DENND5B: variants seen among roughly 807,000 people sequenced by gnomAD.
DENND5B encodes the protein DENN domain-containing protein 5B.
In DENND5B, 34 loss-of-function variants were observed where a neutral mutation model predicts 140.6. The ratio of observed to expected loss-of-function variants is 0.24; its 90% CI spans 0.18 to 0.32. The LOEUF is 0.32. Among genes scored for constraint, DENND5B ranks in the 10% least tolerant of loss-of-function variants. DENND5B has a pLI of 1.00. For synonymous variants in DENND5B, 551 were observed against 562.1 expected (o/e 0.98, Z 0.28); for missense variants, 1,142 against 1,560.2 (o/e 0.73, Z 4.52).
In DENND5B at chr12:31,426,276, C is replaced by G; in HGVS notation, c.2238+17G>C. Reference sequence around the variant, plus strand: ...AACATGAATGCACACTGTCTGGCATCAGTGAATAATACATACCTTCATTCT... The same window carrying G: ...AACATGAATGCACACTGTCTGGCATGAGTGAATAATACATACCTTCATTCT... On this transcript the variant is annotated intron_variant, in intron 9 of 20. Transcript: ENST00000389082. 6.3e-7 allele frequency: 1 copy of G among 1,599,312 alleles called. No homozygotes were observed. Among genetic ancestry groups the G allele is most frequent in the Non-Finnish European group, 8.5e-7 (1 of 1,173,096 alleles).
chr12:31,394,353 A>T (rs558491360), intron 17 of DENND5B, among the ~76,000 whole-genome samples: 4 of 152,284 alleles, frequency 2.6e-5, no homozygotes, highest in African/African-American at 9.6e-5. Context: ...ATAGCATGAG[A>T]AAAGAAAGTA....
intron 2 of DENND5B, among the ~76,000 whole-genome samples, chr12:31,494,221 T>TGC (rs3034051): frequency 9.4e-6 from 1 of 106,496 alleles, no homozygotes; most frequent in Non-Finnish European, 2.0e-5. Flanking sequence ...CCTACCTACC[T>TGC]CTACCTACCT....
At chr12:31,419,977 A>AG (rs1239538709) in intron 11 of DENND5B, 1 of 757,972 alleles carries the variant, frequency 1.3e-6, no homozygotes, top group African/African-American at 2.0e-5. Context: ...CCATCTCAGA[A>AG]AAAAAAAAAA....
rs774660108 is a variant in DENND5B, at chr12:31,575,214, C to T, written c.127+15492G>A. On this transcript the variant is annotated intron_variant, in intron 1 of 20. Coordinates refer to ENST00000389082, the MANE Select transcript of DENND5B (RefSeq NM_144973.4). ...AGAGTTGAAGTTGAGGATAACTTAA[C>T]CTAAAAATAGAAAACACTGTGGTTC... Among the ~76,000 whole-genome samples, 23 of 152,288 alleles carry T rather than the reference C, an allele frequency of 1.5e-4. 1 individual carries two copies. The highest frequency in any genetic ancestry group is 2.6e-4 in the Non-Finnish European group (18 of 68,016).
At chr12:31,564,902 A>G (rs1046100150) in intron 1 of DENND5B, among the ~76,000 whole-genome samples, 2 of 152,084 alleles carry the variant, frequency 1.3e-5, no homozygotes, top group Non-Finnish European at 2.9e-5. Context: ...CCATACTGCA[A>G]TTCTAAAGAT....
intron 1 of DENND5B, chr12:31,590,473 A>T: frequency 4.8e-6 from 2 of 418,750 alleles, no homozygotes; most frequent in Non-Finnish European, 8.0e-6. Flanking sequence ...GCCTGTTATT[A>T]ATAACCCAGC....
At chr12:31,507,831 G>A (rs1947262895) in intron 1 of DENND5B, among the ~76,000 whole-genome samples, 1 of 152,018 alleles carries the variant, frequency 6.6e-6, no homozygotes, top group Admixed American at 6.6e-5. Flanking sequence ...TGAATATGCT[G>A]GTCTAGTAGC....
At chr12:31,396,925 G>A (rs997279262) in intron 17 of DENND5B, among the ~76,000 whole-genome samples, 2 of 152,084 alleles carry the variant, frequency 1.3e-5, no homozygotes, top group African/African-American at 2.4e-5. Flanking sequence ...TAGGGTCCAC[G>A]TAGATGTGAT....
At chr12:31,431,730 A>G (rs891609866) in intron 8 of DENND5B, among the ~76,000 whole-genome samples, 1 of 152,178 alleles carries the variant, frequency 6.6e-6, no homozygotes, top group African/African-American at 2.4e-5. Context: ...GAGTTTGTAT[A>G]TTTAATACAT....
intron 1 of DENND5B, among the ~76,000 whole-genome samples, chr12:31,524,518 T>A (rs1198816317): frequency 6.6e-6 from 1 of 152,138 alleles, no homozygotes; most frequent in Non-Finnish European, 1.5e-5. Flanking sequence ...CCGGGCATGA[T>A]GGCATGTGCC....
intron 6 of DENND5B, among the ~76,000 whole-genome samples, chr12:31,445,307 G>A (rs1186644151): frequency 6.6e-6 from 1 of 152,134 alleles, no homozygotes; most frequent in East Asian, 1.9e-4. Flanking sequence ...TCAAACCATG[G>A]CTCGACCAAT....
intron 1 of DENND5B, among the ~76,000 whole-genome samples, chr12:31,564,613 G>C (rs1949571579): frequency 6.9e-6 from 1 of 144,882 alleles, no homozygotes; most frequent in African/African-American, 2.6e-5. Context: ...TTTTGAGACA[G>C]GGTCTGGCTC....
chr12:31,485,070 C>T (rs1040536001), intron 2 of DENND5B, among the ~76,000 whole-genome samples: 1 of 152,176 alleles, frequency 6.6e-6, no homozygotes, highest in African/African-American at 2.4e-5. Flanking sequence ...ACTACAGCTT[C>T]CTGAATCCTG....
At position 31,389,466 on chromosome 12, in the gene DENND5B, G is replaced by C. The variant is rs1222322509; in HGVS notation, c.3499C>G (p.Gln1167Glu). 9 of 1,597,466 alleles carry C rather than the reference G, an allele frequency of 5.6e-6. No individual in the cohort carries two copies. Among genetic ancestry groups the C allele is most frequent in the Non-Finnish European group, 7.7e-6 (9 of 1,171,398 alleles). Residue 1167 changes from glutamine (Q) to glutamate (E), a missense_variant, in exon 20 of 21, where the codon CAG becomes GAG. Transcript: ENST00000389082. ...ACATCATCTTCATTATCTAGAATCT[G>C]GTCAGTTGTTTCAAAATAAGCAACC... ...KVVAYFETTD[Q>E]ILDNEDDVLI...
At chr12:31,550,957 TATTAGCCCTTTGTCAG>T (rs201634215) in intron 1 of DENND5B, among the ~76,000 whole-genome samples, 9,884 of 152,144 alleles carry the variant, frequency 0.065, 402 homozygotes, top group Middle Eastern at 0.14. Context: ...AGATTCTGGA[TATTAGCCCTTTGTCAG>T]ATGAGTAGGT....
At chr12:31,473,180 C>T (rs1945637397) in intron 3 of DENND5B, among the ~76,000 whole-genome samples, 1 of 152,200 alleles carries the variant, frequency 6.6e-6, no homozygotes, top group African/African-American at 2.4e-5. Flanking sequence ...TCAAGTGATC[C>T]TCCTGCCTCA....
At chr12:31,485,103 GT>G (rs1233514173) in intron 2 of DENND5B, among the ~76,000 whole-genome samples, 2 of 152,160 alleles carry the variant, frequency 1.3e-5, no homozygotes, top group African/African-American at 4.8e-5. Context: ...CATCCAAGAA[GT>G]ATGCTCAGCA....
chr12:31,443,355 G>T (rs1453950107), intron 6 of DENND5B, among the ~76,000 whole-genome samples: 1 of 152,178 alleles, frequency 6.6e-6, no homozygotes, highest in Non-Finnish European at 1.5e-5. Flanking sequence ...GATTATAAGC[G>T]TGAGCCACCA....
chr12:31,470,579 C>T (rs1222937383), intron 3 of DENND5B, among the ~76,000 whole-genome samples: 1 of 152,154 alleles, frequency 6.6e-6, no homozygotes, highest in African/African-American at 2.4e-5. Flanking sequence ...ATTAACCAGC[C>T]TCAGGTATTT....
Sources: gnomAD v4.1 joint callset for allele counts (sites outside exome capture counted in the v4.1 genomes callset) on GRCh38, gnomAD v4.1.1 for gene constraint, MANE v1.5 for transcripts, NCBI Gene and HGNC (gene_info 2026-07-23, HGNC 2026-07-21) for gene names.